CCDC197: variants seen among roughly 807,000 people sequenced by gnomAD.
CCDC197 encodes the protein uncharacterized protein CCDC197.
CCDC197 carries 24 observed loss-of-function variants against 13.4 expected under a neutral mutation model. The observed-to-expected ratio is 1.80, with a 90% CI of 1.30 to 2.53. The LOEUF (loss-of-function observed/expected upper bound fraction) is 2.53. CCDC197 is among the 30% of genes most tolerant of loss of function. The pLI is 0.00. For synonymous variants in CCDC197, 99 were observed against 55.5 expected (o/e 1.78, Z -3.48); for missense variants, 255 against 148.8 (o/e 1.71, Z -3.71).
intron 1 of CCDC197, among the ~76,000 whole-genome samples, chr14:93,991,575 G>A (rs1339282584): frequency 1.3e-5 from 2 of 152,184 alleles, no homozygotes; most frequent in East Asian, 1.9e-4. Context: ...TTCTAGACAC[G>A]GAGACTCCAG....
At chr14:94,008,170 C>T (rs1487537493) in intron 6 of CCDC197, among the ~76,000 whole-genome samples, 1 of 152,262 alleles carries the variant, frequency 6.6e-6, no homozygotes, top group South Asian at 2.1e-4. Context: ...TCTGGATTGA[C>T]ATCTGTCAGT....
upstream of CCDC197, among the ~76,000 whole-genome samples, chr14:93,992,359 A>T (rs1403122188): frequency 6.6e-6 from 1 of 152,058 alleles, no homozygotes; most frequent in East Asian, 1.9e-4. Context: ...TGCCGGGCCA[A>T]CCCCCACCAA....
At chr14:93,994,516 T>C (rs2141342130), upstream of CCDC197, among the ~76,000 whole-genome samples, 1 of 152,244 alleles carries the variant, frequency 6.6e-6, no homozygotes, top group South Asian at 2.1e-4. Flanking sequence ...TGACAGTCAC[T>C]CTTTAGGGGC....
chr14:94,003,477 A>G lies in CCDC197; in HGVS notation c.498+123A>G, dbSNP rs910328973. 8 of 630,054 alleles carry G rather than the reference A, an allele frequency of 1.3e-5. No homozygotes were observed. The highest frequency in any genetic ancestry group is 2.0e-5 in the Non-Finnish European group (7 of 346,408). The allele number at this position is 630,054 out of a possible 1,614,324, so 39.0% of individuals were successfully genotyped here. On this transcript the variant is annotated intron_variant, in intron 5 of 6. Transcript: ENST00000636493. This position sits in a 1 kb window ranked among gnomAD's most constrained non-coding sequence, Gnocchi z 5.0. Reference sequence around the variant, plus strand: ...CGCAGACACACACACACAGAGCCAGACACATAGACACACAGGCACACACAC... The same window carrying G: ...CGCAGACACACACACACAGAGCCAGGCACATAGACACACAGGCACACACAC...
At chr14:93,995,018 T>C (rs115200897), upstream of CCDC197, among the ~76,000 whole-genome samples, 3,105 of 152,290 alleles carry the variant, frequency 0.02, 108 homozygotes, top group African/African-American at 0.066. Flanking sequence ...GCCTCAGCTT[T>C]GCCCTCTGTG....
At position 94,008,702 on chromosome 14, in the gene CCDC197, T is replaced by C; in HGVS notation, c.709T>C (p.Trp237Arg). The C allele has an allele frequency of 1.4e-6, 1 of 702,968 alleles. No homozygotes were observed. The highest frequency in any genetic ancestry group is 1.5e-5 in the South Asian group (1 of 67,598). 43.5% of individuals were successfully genotyped at this position (702,968 alleles called of 1,614,324 possible). A position where few individuals can be genotyped will look rare whatever the true frequency, so the allele number is the denominator to read the frequency against. Residue 237 changes from tryptophan to arginine, a missense_variant, in exon 7 of 7, where the codon TGG (tryptophan) becomes CGG (arginine). Transcript: ENST00000636493. ...CWSWDSFGDQ[W>R]LRRHPKPFRK... ...GTCATGGGACAGCTTCGGGGACCAG[T>C]GGCTCAGAAGACACCCCAAACCCTT...
intron 3 of CCDC197, among the ~76,000 whole-genome samples, chr14:94,000,154 G>T (rs1890449867): frequency 6.6e-6 from 1 of 152,106 alleles, no homozygotes; most frequent in Non-Finnish European, 1.5e-5. Flanking sequence ...AAGGGAAGGG[G>T]AGTCACACAT....
At chr14:94,010,005 G>A (rs146495050), downstream of CCDC197, among the ~76,000 whole-genome samples, 11 of 151,878 alleles carry the variant, frequency 7.2e-5, no homozygotes, top group East Asian at 1.2e-3. Context: ...TCAAAGGGGA[G>A]TTTTAGAAAA....
chr14:93,997,965 C>T (rs928502982), intron 1 of CCDC197, 34 bp from the exon 2 acceptor site: 1 of 616,212 alleles, frequency 1.6e-6, no homozygotes, highest in Admixed American at 2.6e-5. Context: ...CTGCTCACAG[C>T]CCCTTTCTGA....
Position 94,004,856 on chromosome 14 carries a change from A to T in CCDC197, c.500A>T (p.Asp167Val), listed in dbSNP as rs1890634633. 5.7e-6 allele frequency: 4 copies of T among 702,832 alleles called. No homozygotes were observed. The highest frequency in any genetic ancestry group is 1.0e-5 in the Non-Finnish European group (4 of 384,954). 43.5% of individuals were successfully genotyped at this position (702,832 alleles called of 1,614,324 possible). ...ACCTCCTCCTTCTCTTTCCTGCAGG[A>T]TCAGCTGCTCGGCTACATGCAAATG... Reference protein sequence around the residue: ...FDTHTSSSYNDQLLGYMQMTI... With the variant: ...FDTHTSSSYNVQLLGYMQMTI... Residue 167 changes from aspartate to valine, a missense_variant and splice_region_variant, in exon 6 of 7, where the codon GAT (aspartate) becomes GTT (valine). Transcript: ENST00000636493.
chr14:94,002,420 C>T, intron 4 of CCDC197, among the ~76,000 whole-genome samples: 1 of 152,154 alleles, frequency 6.6e-6, no homozygotes, highest in East Asian at 1.9e-4. Flanking sequence ...TTCCGAGTAG[C>T]TGGGATTACA....
intron 1 of CCDC197, among the ~76,000 whole-genome samples, chr14:93,989,503 A>G (rs908200597): frequency 6.6e-6 from 1 of 152,136 alleles, no homozygotes. Context: ...GGGCACATGG[A>G]TGGCCTTTCT....
upstream of CCDC197, among the ~76,000 whole-genome samples, chr14:93,996,000 G>A (rs61980703): frequency 0.042 from 6,428 of 152,280 alleles, 202 homozygotes; most frequent in African/African-American, 0.085. Context: ...CCGTGCCTCC[G>A]AACCTTTGTC....
Position 94,003,605 on chromosome 14 carries a change from GCACAGACACA to G in CCDC197, c.498+266_498+275del, listed in dbSNP as rs71463927. On this transcript the variant is annotated intron_variant, in intron 5 of 6. Coordinates refer to ENST00000636493, the MANE Select transcript of CCDC197 (RefSeq NM_001351596.2). The surrounding 1 kb of genome is among the most constrained non-coding windows in gnomAD (Gnocchi z 5.0). The stretch of plus-strand genomic sequence containing the variant: ...CCCAGCCAGACACATACACACAAAT[GCACAGACACA>G]CACAGACACACACACAGACATGCAA... 0.24 allele frequency among the ~76,000 whole-genome samples: 35,959 copies of G among 150,760 alleles called. 4,790 individuals are homozygous for G. Among genetic ancestry groups the G allele is most frequent in the East Asian group, 0.39 (1,963 of 5,084 alleles).
chr14:93,990,450 T>G (rs1162822185), intron 1 of CCDC197, among the ~76,000 whole-genome samples: 1 of 152,196 alleles, frequency 6.6e-6, no homozygotes, highest in Non-Finnish European at 1.5e-5. Flanking sequence ...AGAGGGCTGG[T>G]CCAGGCCACC....
At chr14:94,011,337 T>C (rs1011966790), downstream of CCDC197, among the ~76,000 whole-genome samples, 3 of 152,164 alleles carry the variant, frequency 2.0e-5, no homozygotes, top group African/African-American at 7.2e-5. Context: ...AGCTCAGACA[T>C]TTTGTCACAC....
Position 94,008,779 on chromosome 14 carries a change from C to T in CCDC197, c.786C>T (p.Ser262=). Residue 262 remains serine, a synonymous_variant, in exon 7 of 7, where the codon AGC becomes AGT. Coordinates refer to ENST00000636493, the MANE Select transcript of CCDC197 (RefSeq NM_001351596.2). ...RVSTPRTPFP[S]PHASECSGLY ...CCACCCCCAGGACCCCCTTTCCCAG[C>T]CCCCATGCTTCAGAGTGCTCCGGCC... 1 of 702,602 alleles carries T rather than the reference C, an allele frequency of 1.4e-6. No homozygotes were observed. The highest frequency in any genetic ancestry group is 2.6e-6 in the Non-Finnish European group (1 of 384,966). 43.5% of individuals were successfully genotyped at this position (702,602 alleles called of 1,614,324 possible).
intron 1 of CCDC197, among the ~76,000 whole-genome samples, chr14:93,991,635 T>G (rs972169997): frequency 6.6e-6 from 1 of 151,934 alleles, no homozygotes; most frequent in Non-Finnish European, 1.5e-5. Flanking sequence ...CACATTCCAG[T>G]GGGGAGGGAG....
rs1567042541 is a variant in CCDC197, at chr14:93,999,672, A to G, written c.187+7A>G. 2.6e-6 allele frequency: 2 copies of G among 780,954 alleles called. No homozygotes were observed. Among genetic ancestry groups the G allele is most frequent in the South Asian group, 2.7e-5 (2 of 74,600 alleles). 48.4% of individuals were successfully genotyped at this position (780,954 alleles called of 1,614,324 possible). ...CTTGAGAAAATCCCCGAGGGTATGT[A>G]CACAGCTTCCTCGGAAAGCCCTTTC... On this transcript the variant is annotated splice_region_variant and intron_variant, in intron 3 of 6. Coordinates refer to ENST00000636493, the MANE Select transcript of CCDC197 (RefSeq NM_001351596.2).
Sources: allele counts gnomAD v4.1 joint callset (sites outside exome capture counted in the v4.1 genomes callset), GRCh38; gene constraint gnomAD v4.1.1; non-coding constraint Gnocchi (gnomAD v3.1); transcripts MANE v1.5; gene names NCBI Gene and HGNC (gene_info 2026-07-23, HGNC 2026-07-21).